The following CNBD1 variants were observed in gnomAD, a reference collection of about 807,000 sequenced individuals.
The protein encoded by CNBD1 is cyclic nucleotide binding domain containing 1, also known as cyclic nucleotide-binding domain-containing protein 1.
Under a neutral mutation model 54.4 loss-of-function variants are expected in CNBD1, and 71 were observed. The ratio of observed to expected loss-of-function variants is 1.30; its 90% CI spans 1.08 to 1.59. The LOEUF is 1.59. CNBD1 is among the 40% of genes most tolerant of loss of function. The pLI, the probability that CNBD1 is intolerant of heterozygous loss-of-function variation, is 0.00. For synonymous variants in CNBD1, 182 were observed against 170.7 expected (o/e 1.07, Z -0.51); for missense variants, 659 against 518.0 (o/e 1.27, Z -2.64).
chr8:87,344,470 T>C (rs1045196607), intron 8 of CNBD1, among the ~76,000 whole-genome samples: 2 of 152,108 alleles, frequency 1.3e-5, no homozygotes, highest in African/African-American at 4.8e-5. Context: ...TTATTTACTG[T>C]CACTATTGTG....
intron 2 of CNBD1, among the ~76,000 whole-genome samples, chr8:87,427,035 C>T (rs1254463055): frequency 2.0e-5 from 3 of 152,034 alleles, no homozygotes; most frequent in African/African-American, 7.3e-5. Context: ...AGGTGTTATA[C>T]AAGATGAGAT....
Position 86,905,202 on chromosome 8 carries a change from T to C in CNBD1, c.272+8T>C. The stretch of plus-strand genomic sequence containing the variant: ...CAAACAGGAGGAACAAAGGTAATGA[T>C]ACCTTCTTTTGAAAGCAAGGTTGAT... On this transcript the variant is annotated splice_region_variant and intron_variant, in intron 3 of 10. Transcript: ENST00000518476. The C allele has an allele frequency of 6.6e-7, 1 of 1,515,212 alleles. No individual in the cohort carries two copies. Among genetic ancestry groups the C allele is most frequent in the Admixed American group, 1.7e-5 (1 of 59,120 alleles). 93.9% of individuals were successfully genotyped at this position (1,515,212 alleles called of 1,614,324 possible).
At position 87,166,145 on chromosome 8, in the gene CNBD1, T is replaced by C. The variant is rs7001332; in HGVS notation, c.432-39848T>C. ...ACTAATAAAACCTCTTAAACTGTTC[T>C]TTTTCCCTTCCTCTCTCTCAATAAA... is the stretch of plus-strand genomic sequence containing the variant. On this transcript the variant is annotated intron_variant, in intron 4 of 10. Coordinates refer to ENST00000518476, the MANE Select transcript of CNBD1 (RefSeq NM_173538.3). The surrounding 1 kb of genome is among the most constrained non-coding windows in gnomAD (Gnocchi z 4.3). Among the ~76,000 whole-genome samples the C allele has an allele frequency of 0.079, 11,986 of 151,954 alleles. 1,547 individuals are homozygous for C. Among genetic ancestry groups the C allele is most frequent in the African/African-American group, 0.27 (11,191 of 41,434 alleles).
chr8:86,906,434 T>C (rs1188304563), intron 3 of CNBD1, among the ~76,000 whole-genome samples: 5 of 152,118 alleles, frequency 3.3e-5, no homozygotes, highest in Admixed American at 3.3e-4. Context: ...GATTCAAATA[T>C]AACTTTTTCC....
chr8:87,261,339 G>C (rs1808136676), intron 6 of CNBD1, among the ~76,000 whole-genome samples: 1 of 151,946 alleles, frequency 6.6e-6, no homozygotes, highest in Admixed American at 6.6e-5. Flanking sequence ...AGTGCTCCTG[G>C]GGGTTGCTAG....
At chr8:87,195,739 A>AT (rs1438639153) in intron 4 of CNBD1, among the ~76,000 whole-genome samples, 2 of 149,368 alleles carry the variant, frequency 1.3e-5, no homozygotes, top group Non-Finnish European at 3.0e-5. Context: ...ACACCTGCTA[A>AT]TTTTTGTATT....
intron 4 of CNBD1, among the ~76,000 whole-genome samples, chr8:86,992,227 C>CT (rs142515359): frequency 0.021 from 3,170 of 151,046 alleles, 95 homozygotes; most frequent in African/African-American, 0.07. Flanking sequence ...ATAGTTAAGT[C>CT]TTTTTTTTTA....
chr8:87,293,680 T>C (rs1808824750), intron 8 of CNBD1, among the ~76,000 whole-genome samples: 1 of 152,196 alleles, frequency 6.6e-6, no homozygotes, highest in Non-Finnish European at 1.5e-5. Context: ...TTTAAACAAA[T>C]GAGATAGATC....
intron 2 of CNBD1, among the ~76,000 whole-genome samples, chr8:87,411,533 A>T (rs1254674546): frequency 6.7e-6 from 1 of 150,166 alleles, no homozygotes; most frequent in African/African-American, 2.4e-5. Context: ...CATTTCTTGG[A>T]AATATGTTAA....
chr8:87,163,687 T>C lies in CNBD1; in HGVS notation c.432-42306T>C, dbSNP rs1456579486. Among the ~76,000 whole-genome samples the C allele has an allele frequency of 6.6e-6, 1 of 151,946 alleles. No individual in the cohort carries two copies. The highest frequency in any genetic ancestry group is 1.5e-5 in the Non-Finnish European group (1 of 67,922). On this transcript the variant is annotated intron_variant, in intron 4 of 10. Coordinates refer to ENST00000518476, the MANE Select transcript of CNBD1 (RefSeq NM_173538.3). This position sits in a 1 kb window ranked among gnomAD's most constrained non-coding sequence, Gnocchi z 4.5. Reference sequence around the variant, plus strand: ...TTCCTGCAAATTTATTGAATTTGCTTATTAGTTCTAACAGTTTTTTTGTTG... The same window carrying C: ...TTCCTGCAAATTTATTGAATTTGCTCATTAGTTCTAACAGTTTTTTTGTTG...
chr8:87,021,737 G>T (rs1247340517), intron 4 of CNBD1, among the ~76,000 whole-genome samples: 1 of 151,996 alleles, frequency 6.6e-6, no homozygotes, highest in Non-Finnish European at 1.5e-5. Context: ...GCTTTATCCT[G>T]CCCAAAATGT....
intron 8 of CNBD1, among the ~76,000 whole-genome samples, chr8:87,296,163 A>G (rs1381331509): frequency 6.6e-6 from 1 of 152,190 alleles, no homozygotes; most frequent in Non-Finnish European, 1.5e-5. Context: ...CAATATTTTT[A>G]ATAAAGAAGC....
chr8:87,400,586 AG>A (rs1807544630), intron 2 of CNBD1, among the ~76,000 whole-genome samples: 1 of 151,992 alleles, frequency 6.6e-6, no homozygotes, highest in Non-Finnish European at 1.5e-5. Flanking sequence ...AACTAACAAA[AG>A]AATGGTTTTA....
chr8:87,383,345 G>C (rs1811121776), downstream of CNBD1, among the ~76,000 whole-genome samples: 1 of 152,048 alleles, frequency 6.6e-6, no homozygotes, highest in South Asian at 2.1e-4. Context: ...CCATTTGATA[G>C]TCCTTAGTAA....
chr8:87,185,147 A>G lies in CNBD1; in HGVS notation c.432-20846A>G, dbSNP rs531300513. ...TTATGGTATATAATACAGTATTGAT[A>G]AATGTTCCACATACAATCAAAAAGA... On this transcript the variant is annotated intron_variant, in intron 4 of 10. Coordinates refer to ENST00000518476, the MANE Select transcript of CNBD1 (RefSeq NM_173538.3). 3.9e-5 allele frequency among the ~76,000 whole-genome samples: 6 copies of G among 152,308 alleles called. No homozygotes were observed. The South Asian group carries it at 6.2e-4, about 16-fold the overall frequency.
chr8:87,281,923 G>A (rs1283658001), intron 6 of CNBD1, among the ~76,000 whole-genome samples: 2 of 151,170 alleles, frequency 1.3e-5, no homozygotes, highest in South Asian at 2.1e-4. Context: ...GGTTTCTTTT[G>A]TGTGTGAGTC....
At chr8:87,000,646 C>T (rs970273322) in intron 4 of CNBD1, among the ~76,000 whole-genome samples, 1 of 152,044 alleles carries the variant, frequency 6.6e-6, no homozygotes, top group Non-Finnish European at 1.5e-5. Flanking sequence ...AGATATTATG[C>T]CTGGGAATAT....
intron 4 of CNBD1, among the ~76,000 whole-genome samples, chr8:86,953,065 A>G (rs1215918753): frequency 6.6e-6 from 1 of 152,214 alleles, no homozygotes; most frequent in Non-Finnish European, 1.5e-5. Context: ...GCATAACAAT[A>G]GTTATTCCTT....
intron 4 of CNBD1, among the ~76,000 whole-genome samples, chr8:87,084,187 A>G (rs1256226375): frequency 2.0e-5 from 3 of 152,212 alleles, no homozygotes; most frequent in Non-Finnish European, 2.9e-5. Flanking sequence ...ATACTTTAAT[A>G]TTATTTTTGC....
Sources: gnomAD v4.1 joint callset for allele counts (sites outside exome capture counted in the v4.1 genomes callset) on GRCh38, gnomAD v4.1.1 for gene constraint, Gnocchi (gnomAD v3.1) non-coding constraint, MANE v1.5 for transcripts, NCBI Gene and HGNC (gene_info 2026-07-23, HGNC 2026-07-21) for gene names.